TTC17: variants seen among roughly 807,000 people sequenced by gnomAD.
The protein encoded by TTC17 is tetratricopeptide repeat domain 17.
In TTC17, 58 loss-of-function variants were observed where a neutral mutation model predicts 143.8. The observed-to-expected ratio is 0.40, with a 90% CI of 0.33 to 0.50. The LOEUF (loss-of-function observed/expected upper bound fraction) is 0.50, where lower values mean the gene tolerates loss of function less well. TTC17 is among the 20% of genes least tolerant of loss of function. The pLI, the probability that TTC17 is intolerant of heterozygous loss-of-function variation, is 0.49. For synonymous variants in TTC17, 501 were observed against 497.8 expected (o/e 1.01, Z -0.09); for missense variants, 1,273 against 1,392.5 (o/e 0.91, Z 1.37).
chr11:43,438,639 G>T (rs1442548607), intron 16 of TTC17, among the ~76,000 whole-genome samples: 1 of 152,148 alleles, frequency 6.6e-6, no homozygotes, highest in African/African-American at 2.4e-5. Flanking sequence ...CTTTCTGGAG[G>T]AAGATGTTGT....
Position 43,466,649 on chromosome 11 carries a change from T to C in TTC17, c.3030+15384T>C, listed in dbSNP as rs571159137. The C allele has an allele frequency of 2.6e-5, 9 of 345,186 alleles. No homozygotes were observed. In the East Asian group the frequency reaches 7.1e-4, roughly 27 times the overall value. The allele number at this position is 345,186 out of a possible 1,614,324, so 21.4% of individuals were successfully genotyped here. On this transcript the variant is annotated intron_variant, in intron 21 of 23. Transcript: ENST00000039989. The stretch of plus-strand genomic sequence containing the variant: ...ATAAATTTGATGATAAGAACTTTAT[T>C]GTGAAGCATACAGGTCTTGGCATCT...
rs562594929 is a variant in TTC17 at position 43,462,921 on chromosome 11, C to CTTTTTTTTTT, written c.3030+11659_3030+11668dup. On this transcript the variant is annotated intron_variant, in intron 21 of 23. Transcript: ENST00000039989. ...CACTGAATCCAGCAGTGACAAAATT[C>CTTTTTTTTTT]TTTTTTTTTTTTGAGACAGAGTCTC... Among the ~76,000 whole-genome samples, 17 of 117,754 alleles carry CTTTTTTTTTT rather than the reference C, an allele frequency of 1.4e-4. 3 individuals carry two copies. Among genetic ancestry groups the CTTTTTTTTTT allele is most frequent in the African/African-American group, 3.2e-4 (8 of 24,768 alleles). The allele number at this position is 117,754 out of a possible 152,430, so 77.3% of individuals were successfully genotyped here.
At chr11:43,430,261 CTACAAAAAT>C (rs1203144592) in intron 16 of TTC17, among the ~76,000 whole-genome samples, 6 of 152,104 alleles carry the variant, frequency 3.9e-5, no homozygotes, top group Admixed American at 1.3e-4. Flanking sequence ...AACCCTGTCT[CTACAAAAAT>C]TACAAAAATT....
intron 21 of TTC17, among the ~76,000 whole-genome samples, chr11:43,475,192 G>T (rs1173487597): frequency 6.6e-6 from 1 of 152,188 alleles, no homozygotes; most frequent in African/African-American, 2.4e-5. Flanking sequence ...TGTACAGATT[G>T]ATTATCCTTT....
intron 2 of TTC17, among the ~76,000 whole-genome samples, chr11:43,387,132 GC>G (rs1023856660): frequency 2.6e-5 from 4 of 152,086 alleles, no homozygotes; most frequent in African/African-American, 9.7e-5. Flanking sequence ...GAAAAAATAA[GC>G]AAACTTAAAC....
chr11:43,444,948 T>G (rs1423958533), intron 18 of TTC17, among the ~76,000 whole-genome samples: 4 of 152,236 alleles, frequency 2.6e-5, no homozygotes, highest in African/African-American at 4.8e-5. Context: ...TACCAGTTAT[T>G]CTACTTCTAG....
intron 21 of TTC17, among the ~76,000 whole-genome samples, chr11:43,488,261 T>G (rs1437045096): frequency 6.6e-6 from 1 of 152,154 alleles, no homozygotes; most frequent in African/African-American, 2.4e-5. Flanking sequence ...ATGTAAATAC[T>G]ATACGCCCTG....
chr11:43,453,653 G>A (rs1256837698), intron 21 of TTC17, among the ~76,000 whole-genome samples: 1 of 152,224 alleles, frequency 6.6e-6, no homozygotes, highest in Non-Finnish European at 1.5e-5. Context: ...TGGTATAAGG[G>A]ACTAGTAGCA....
At chr11:43,381,362 G>A (rs1052463962) in intron 2 of TTC17, among the ~76,000 whole-genome samples, 3 of 152,110 alleles carry the variant, frequency 2.0e-5, no homozygotes, top group African/African-American at 7.2e-5. Flanking sequence ...CAAAGCTACC[G>A]ACCTTTTGGG....
Position 43,400,020 on chromosome 11 carries a change from G to T in TTC17, c.1191G>T (p.Glu397Asp). 3 of 1,613,390 alleles carry T rather than the reference G, an allele frequency of 1.9e-6. No homozygotes were observed. Among genetic ancestry groups the T allele is most frequent in the Non-Finnish European group, 2.5e-6 (3 of 1,179,764 alleles). ...AAATCTTAAGAAATATCATTCATGAGACTCAGATGGCAAAAGAGGCACAAT... is the reference window on the plus strand; with the variant it reads ...AAATCTTAAGAAATATCATTCATGATACTCAGATGGCAAAAGAGGCACAAT... ...EEQILRNIIH[E>D]TQMAKEAQLG... The change falls in exon 9 of 24, where the codon GAG becomes GAT. Residue 397 changes from glutamate (E) to aspartate (D), a missense_variant. Physicochemically the swap from Glu to Asp is conservative, Grantham distance 45. Around this residue, in one of 3 missense-constraint regions of TTC17, gnomAD observed 325 missense variants for 444.2 expected, o/e 0.73. Coordinates refer to ENST00000039989, the MANE Select transcript of TTC17 (RefSeq NM_018259.6).
At chr11:43,365,741 T>A (rs928169680) in intron 1 of TTC17, among the ~76,000 whole-genome samples, 1 of 152,202 alleles carries the variant, frequency 6.6e-6, no homozygotes, top group African/African-American at 2.4e-5. Context: ...GAGTATCTGA[T>A]TCAGTAGGTT....
chr11:43,417,359 T>C lies in TTC17; in HGVS notation c.2251+2583T>C, dbSNP rs568844406. ...CCTTTAGTGAAATCAGATGATTCTG[T>C]TTGCCGTTTCCTTTTTCATGTTTGC... is the stretch of plus-strand genomic sequence containing the variant. On this transcript the variant is annotated intron_variant, in intron 16 of 23. Coordinates refer to ENST00000039989, the MANE Select transcript of TTC17 (RefSeq NM_018259.6). Among the ~76,000 whole-genome samples, 3 of 152,326 alleles carry C rather than the reference T, an allele frequency of 2.0e-5. No homozygotes were observed. In the South Asian group the frequency reaches 6.2e-4, roughly 32 times the overall value.
chr11:43,473,417 G>A (rs535608794), intron 21 of TTC17, among the ~76,000 whole-genome samples: 3 of 152,224 alleles, frequency 2.0e-5, no homozygotes, highest in East Asian at 1.9e-4. Context: ...GGAGATGAAC[G>A]TCAGTGATCT....
intron 23 of TTC17, among the ~76,000 whole-genome samples, chr11:43,492,373 C>T (rs1261241685): frequency 1.3e-5 from 2 of 152,176 alleles, no homozygotes; most frequent in Non-Finnish European, 1.5e-5. Context: ...TTTGCAACTA[C>T]GTAGTTCCTC....
At chr11:43,421,071 T>TA (rs1252631913) in intron 16 of TTC17, among the ~76,000 whole-genome samples, 1 of 152,150 alleles carries the variant, frequency 6.6e-6, no homozygotes, top group Non-Finnish European at 1.5e-5. Flanking sequence ...CTCCAGCTCT[T>TA]ACAGAGCTAC....
At chr11:43,408,345 GTTTTC>G (rs1858241315) in intron 15 of TTC17, among the ~76,000 whole-genome samples, 1 of 152,174 alleles carries the variant, frequency 6.6e-6, no homozygotes, top group African/African-American at 2.4e-5. Context: ...AATATTGCCT[GTTTTC>G]TTTTGAAATA....
intron 16 of TTC17, among the ~76,000 whole-genome samples, chr11:43,419,561 T>C (rs1946852726): frequency 6.6e-6 from 1 of 152,260 alleles, no homozygotes; most frequent in South Asian, 2.1e-4. Context: ...CAGTGGATTA[T>C]CCAGCATATA....
chr11:43,401,126 T>G (rs1172824607), intron 9 of TTC17, among the ~76,000 whole-genome samples: 1 of 152,132 alleles, frequency 6.6e-6, no homozygotes, highest in Admixed American at 6.5e-5. Context: ...TAAAGCAAAT[T>G]CTCTCCAGAA....
At chr11:43,376,201 T>C (rs1466763340) in intron 1 of TTC17, among the ~76,000 whole-genome samples, 1 of 152,168 alleles carries the variant, frequency 6.6e-6, no homozygotes, top group African/African-American at 2.4e-5. Context: ...GAAAATGAAA[T>C]TGAATTGCCT....
Sources: allele counts gnomAD v4.1 joint callset (sites outside exome capture counted in the v4.1 genomes callset), GRCh38; gene constraint gnomAD v4.1.1; regional missense constraint gnomAD v4.1.1; transcripts MANE v1.5; gene names NCBI Gene and HGNC (gene_info 2026-07-23, HGNC 2026-07-21).